Variants in CACNA1H observed in about 807,000 individuals in gnomAD.
CACNA1H encodes the protein voltage-dependent T-type calcium channel subunit alpha-1H.
A neutral mutation model predicts 192.5 loss-of-function variants in CACNA1H; 149 were observed. The observed-to-expected ratio is 0.77, with a 90% CI of 0.68 to 0.89. The LOEUF (loss-of-function observed/expected upper bound fraction) is 0.89. Among genes scored for constraint, CACNA1H ranks in the 40% least tolerant of loss-of-function variants. The pLI is 0.00. For missense variants in CACNA1H, 4,257 were observed against 3,423.5 expected (o/e 1.24, Z -6.08); for synonymous variants, 2,202 against 1,475.2 (o/e 1.49, Z -11.29).
chr16:1,215,069 T>A lies in CACNA1H; in HGVS notation c.5027T>A (p.Phe1676Tyr). 1 of 1,612,072 alleles carries A rather than the reference T, an allele frequency of 6.2e-7. No homozygotes were observed. Among genetic ancestry groups the A allele is most frequent in the African/African-American group, 1.3e-5 (1 of 75,010 alleles). Residue 1676 changes from phenylalanine (F) to tyrosine (Y), a missense_variant, in exon 28 of 35, where the codon TTC becomes TAC. Phe to Tyr is a conservative substitution (Grantham distance 22, BLOSUM62 3). Coordinates refer to ENST00000348261, the MANE Select transcript of CACNA1H (RefSeq NM_021098.3). The stretch of plus-strand genomic sequence containing the variant: ...CTGGTAGCATTTGGGTTCCGTCGGT[T>A]CTTCAAGGACAGGTGTGTGTGGTGG... ...LKLVAFGFRR[F>Y]FKDRWNQLDL...
At position 1,201,537 on chromosome 16, in the gene CACNA1H, G is replaced by T. The variant is rs1235147887; in HGVS notation, c.1213-126G>T. 8 of 1,164,546 alleles carry T rather than the reference G, an allele frequency of 6.9e-6. No individual in the cohort carries two copies. In the African/African-American group the frequency reaches 1.2e-4, roughly 18 times the overall value. The allele number at this position is 1,164,546 out of a possible 1,614,324, so 72.1% of individuals were successfully genotyped here. A position where few individuals can be genotyped will look rare whatever the true frequency, so the allele number is the denominator to read the frequency against. On this transcript the variant is annotated intron_variant, in intron 8 of 34. Coordinates refer to ENST00000348261, the MANE Select transcript of CACNA1H (RefSeq NM_021098.3). ...TGAACACCGCAGCAGCCTGCCCATA[G>T]CAGGGCACCTCGCCCACTGTGCCTG... is the stretch of plus-strand genomic sequence containing the variant.
At chr16:1,199,591 A>C (rs1174348809) in intron 6 of CACNA1H, among the ~76,000 whole-genome samples, 2 of 143,218 alleles carry the variant, frequency 1.4e-5, no homozygotes, top group African/African-American at 5.3e-5. Context: ...AGAGTCCGTC[A>C]CACCTTACCC....
rs369322856 is a variant in CACNA1H at position 1,202,244 on chromosome 16, C to T, written c.1794C>T (p.Ala598=). Residue 598 remains alanine, a synonymous_variant, in exon 9 of 35, where the codon GCC becomes GCT. Coordinates refer to ENST00000348261, the MANE Select transcript of CACNA1H (RefSeq NM_021098.3). Reference sequence around the variant, plus strand: ...GGGTGGCACATGCCGCAGCCACTGCCGCTGCCAGCCTCAGACTGGCCACAG... The same window carrying T: ...GGGTGGCACATGCCGCAGCCACTGCTGCTGCCAGCCTCAGACTGGCCACAG... The part of the protein sequence containing the change: ...RARVAHAAAT[A]AASLRLATGL... 2.4e-4 allele frequency: 372 copies of T among 1,563,696 alleles called. No individual in the cohort carries two copies. The highest frequency in any genetic ancestry group is 3.0e-4 in the Non-Finnish European group (352 of 1,156,218).
Position 1,167,822 on chromosome 16 carries a change from A to AC in CACNA1H, c.299+13788dup, listed in dbSNP as rs772376803. Among the ~76,000 whole-genome samples the AC allele has an allele frequency of 2.0e-4, 31 of 152,098 alleles. No individual in the cohort carries two copies. Among genetic ancestry groups the AC allele is most frequent in the Non-Finnish European group, 4.0e-4 (27 of 68,010 alleles). ...GCGCTGGTGTGTGCTTAGAAAGTGCACCTGCGAGGTTGGGGCGTGGCCTGG... is the reference window on the plus strand; with the variant it reads ...GCGCTGGTGTGTGCTTAGAAAGTGCACCCTGCGAGGTTGGGGCGTGGCCTGG... On this transcript the variant is annotated intron_variant, in intron 2 of 34. Coordinates refer to ENST00000348261, the MANE Select transcript of CACNA1H (RefSeq NM_021098.3). The surrounding 1 kb of genome is among the most constrained non-coding windows in gnomAD (Gnocchi z 4.2).
Position 1,220,497 on chromosome 16 carries a change from C to A in CACNA1H, c.6565C>A (p.Pro2189Thr), listed in dbSNP as rs538538654. The change falls in exon 35 of 35, where the codon CCC (proline) becomes ACC (threonine). Residue 2189 changes from proline to threonine, a missense_variant. Coordinates refer to ENST00000348261, the MANE Select transcript of CACNA1H (RefSeq NM_021098.3). ...TGCGCGCAGAAAGAAGAAGATGAGCCCCCCCTGCATCTCGGTGGAACCCCC... is the reference window on the plus strand; with the variant it reads ...TGCGCGCAGAAAGAAGAAGATGAGCACCCCCTGCATCTCGGTGGAACCCCC... ...LGARRKKKMS[P>T]PCISVEPPAE... The A allele has an allele frequency of 1.4e-5, 22 of 1,542,930 alleles. No individual in the cohort carries two copies. The African/African-American group carries it at 1.9e-4, about 14-fold the overall frequency.
chr16:1,218,540 T>C lies in CACNA1H; in HGVS notation c.5776T>C (p.Ser1926Pro), dbSNP rs750470269. Residue 1926 changes from serine to proline, a missense_variant, in exon 33 of 35, where the codon TCG becomes CCG. Transcript: ENST00000348261. ...CAAGGTGTCCGTGTCCAGGATGCTCTCGCTGCCCAACGACAGCTACATGTT... is the reference window on the plus strand; with the variant it reads ...CAAGGTGTCCGTGTCCAGGATGCTCCCGCTGCCCAACGACAGCTACATGTT... ...ARKVSVSRML[S>P]LPNDSYMFRP... The C allele has an allele frequency of 2.6e-5, 40 of 1,557,840 alleles. No homozygotes were observed. The highest frequency in any genetic ancestry group is 3.9e-5 in the Admixed American group (2 of 51,912).
chr16:1,207,188 C>T (rs550614013), intron 13 of CACNA1H, 70 bp downstream of exon 13: 18 of 1,549,098 alleles, frequency 1.2e-5, no homozygotes, highest in Admixed American at 3.8e-5. Flanking sequence ...AGGTGCCGTC[C>T]TGCGCATCCA....
intron 9 of CACNA1H, among the ~76,000 whole-genome samples, chr16:1,203,441 C>T (rs908968739): frequency 3.9e-5 from 6 of 152,190 alleles, no homozygotes; most frequent in South Asian, 2.1e-4. Flanking sequence ...CGTCTCTGCA[C>T]CTAAGTGTGT....
intron 2 of CACNA1H, among the ~76,000 whole-genome samples, chr16:1,182,222 G>A (rs1165212614): frequency 6.6e-6 from 1 of 152,182 alleles, no homozygotes; most frequent in Admixed American, 6.5e-5. Context: ...TGGAGGAGGC[G>A]GGCCTCAGCC....
intron 2 of CACNA1H, among the ~76,000 whole-genome samples, chr16:1,168,864 T>A (rs1964074415): frequency 6.6e-6 from 1 of 151,876 alleles, no homozygotes; most frequent in Non-Finnish European, 1.5e-5. Flanking sequence ...CTCAGCCCGC[T>A]CCCCACTTTA....
At chr16:1,194,861 C>A (rs1307755143) in intron 2 of CACNA1H, 111 bp from the exon 3 acceptor site, 3 of 781,446 alleles carry the variant, frequency 3.8e-6, no homozygotes, top group African/African-American at 1.7e-5. Flanking sequence ...CTGGACACCC[C>A]CACGCGCGCA....
chr16:1,174,691 A>T (rs1270808435), intron 2 of CACNA1H, among the ~76,000 whole-genome samples: 2 of 151,720 alleles, frequency 1.3e-5, no homozygotes, highest in African/African-American at 4.8e-5. Flanking sequence ...ATGTTAGTTT[A>T]AAAAAAAATG....
At chr16:1,208,261 G>C (rs765987274) in intron 16 of CACNA1H, 40 bp downstream of exon 16, 12 of 1,438,522 alleles carry the variant, frequency 8.3e-6, no homozygotes, top group Admixed American at 2.0e-5. Context: ...GGCCCCTTCA[G>C]GTTTTCCCTG....
In CACNA1H at chr16:1,217,896, G is replaced by T. The variant is rs72552050; in HGVS notation, c.5324-23G>T. ...CCACCCGGAGCGGGCTCGGCTGACCGGGCGGGGTCTCCCTCCCCGCAGAGT... is the reference window on the plus strand; with the variant it reads ...CCACCCGGAGCGGGCTCGGCTGACCTGGCGGGGTCTCCCTCCCCGCAGAGT... On this transcript the variant is annotated intron_variant, in intron 31 of 34. Transcript: ENST00000348261. 1.1e-3 allele frequency: 1,732 copies of T among 1,582,284 alleles called. 3 individuals are homozygous for T. Among genetic ancestry groups the T allele is most frequent in the Middle Eastern group, 0.011 (63 of 5,976 alleles).
At chr16:1,185,511 C>A (rs949883552) in intron 2 of CACNA1H, among the ~76,000 whole-genome samples, 1 of 143,020 alleles carries the variant, frequency 7.0e-6, no homozygotes, top group Admixed American at 7.0e-5. Flanking sequence ...TCCCCCCCCC[C>A]GCCGAGTCTG....
chr16:1,221,495 C>A lies in CACNA1H; in HGVS notation c.*501C>A. The A allele has an allele frequency of 2.6e-6, 1 of 381,444 alleles. No homozygotes were observed. The highest frequency in any genetic ancestry group is 4.7e-6 in the Non-Finnish European group (1 of 212,342). The allele number at this position is 381,444 out of a possible 1,614,324, so 23.6% of individuals were successfully genotyped here. ...CCTCCCCTTCCAGCCACCACCCTTT[C>A]CGTTCCGCTCGGGCCTTCCCAGAAG... On this transcript the variant is annotated 3_prime_UTR_variant, in exon 35 of 35. Coordinates refer to ENST00000348261, the MANE Select transcript of CACNA1H (RefSeq NM_021098.3).
chr16:1,202,936 G>T (rs952162428), intron 9 of CACNA1H, among the ~76,000 whole-genome samples: 1 of 152,114 alleles, frequency 6.6e-6, no homozygotes. Context: ...GGCTGGCGTG[G>T]GGTTCTCCTA....
rs899226935 is a variant in CACNA1H at position 1,221,030 on chromosome 16, G to C, written c.*36G>C. On this transcript the variant is annotated 3_prime_UTR_variant, in exon 35 of 35. Coordinates refer to ENST00000348261, the MANE Select transcript of CACNA1H (RefSeq NM_021098.3). The stretch of plus-strand genomic sequence containing the variant: ...GGTGCCGCCCACGGCTTTGGCCCTG[G>C]GGTCTGGGGGCCCCGCTGGGGTGGA... 5.3e-6 allele frequency: 8 copies of C among 1,497,624 alleles called. No homozygotes were observed. The Admixed American group carries it at 1.7e-4, about 31-fold the overall frequency. The allele number at this position is 1,497,624 out of a possible 1,614,324, so 92.8% of individuals were successfully genotyped here.
At chr16:1,175,514 C>T (rs1035499482) in intron 2 of CACNA1H, among the ~76,000 whole-genome samples, 3 of 152,124 alleles carry the variant, frequency 2.0e-5, no homozygotes, top group African/African-American at 4.8e-5. Context: ...ACCCTGTAGC[C>T]TCCAGCTCCT....
Sources: allele counts gnomAD v4.1 joint callset (sites outside exome capture counted in the v4.1 genomes callset), GRCh38; gene constraint gnomAD v4.1.1; non-coding constraint Gnocchi (gnomAD v3.1); transcripts MANE v1.5; gene names NCBI Gene and HGNC (gene_info 2026-07-23, HGNC 2026-07-21).